The following OPCML variants were observed in gnomAD, a reference collection of about 807,000 sequenced individuals.
OPCML encodes opioid binding protein/cell adhesion molecule like.
A neutral mutation model predicts 37.8 loss-of-function variants in OPCML; 13 were observed. The observed-to-expected ratio is 0.34, with a 90% CI of 0.22 to 0.55. The LOEUF is 0.55. Among genes scored for constraint, OPCML ranks in the 20% least tolerant of loss-of-function variants. OPCML has a pLI of 0.91. For missense variants in OPCML, 341 were observed against 435.6 expected, an observed-to-expected ratio of 0.78 and a Z score of 1.93; for synonymous variants, 176 against 168.8, an observed-to-expected ratio of 1.04 and a Z score of -0.33.
chr11:133,419,362 T>C (rs1353767135), intron 1 of OPCML: 1 of 984,882 alleles, frequency 1.0e-6, no homozygotes, highest in Non-Finnish European at 1.2e-6. Flanking sequence ...TGTGCTGGAG[T>C]CAGCTTCTAC....
At chr11:133,455,340 G>A (rs1424706370) in intron 1 of OPCML, among the ~76,000 whole-genome samples, 2 of 152,094 alleles carry the variant, frequency 1.3e-5, no homozygotes, top group Admixed American at 6.6e-5. Context: ...GTTTTTATAA[G>A]CTCCATTTTT....
chr11:132,445,809 C>T (rs1236874651), intron 4 of OPCML, among the ~76,000 whole-genome samples: 1 of 152,198 alleles, frequency 6.6e-6, no homozygotes, highest in Non-Finnish European at 1.5e-5. Flanking sequence ...GCTTCCTCTG[C>T]TGAGAAGTCA....
At chr11:133,035,775 C>G (rs1285977029) in intron 1 of OPCML, among the ~76,000 whole-genome samples, 2 of 152,024 alleles carry the variant, frequency 1.3e-5, no homozygotes, top group Non-Finnish European at 2.9e-5. Context: ...TACTGTTGTC[C>G]TTATAAGAAG....
chr11:133,246,633 G>A (rs988468043), intron 1 of OPCML, among the ~76,000 whole-genome samples: 7 of 152,140 alleles, frequency 4.6e-5, no homozygotes, highest in African/African-American at 1.7e-4. Context: ...GACATCCGGG[G>A]CAAACTCAAG....
chr11:132,561,810 C>G (rs2096411310), intron 3 of OPCML, among the ~76,000 whole-genome samples: 1 of 152,198 alleles, frequency 6.6e-6, no homozygotes, highest in Admixed American at 6.5e-5. Context: ...CTGTGAGCAA[C>G]CAAATACATG....
At chr11:133,134,667 TTGCTCCAAGGGAACTCTTGCGTGAACCC>T (rs1426294976) in intron 1 of OPCML, among the ~76,000 whole-genome samples, 6 of 152,166 alleles carry the variant, frequency 3.9e-5, no homozygotes, top group South Asian at 4.1e-4. Flanking sequence ...GCTGTCTTCC[TTGCTCCAAGGGAACTCTTGCGTGAACCC>T]TGCAAAGGAG....
At chr11:132,937,964 G>A (rs1448336544) in intron 2 of OPCML, among the ~76,000 whole-genome samples, 1 of 151,740 alleles carries the variant, frequency 6.6e-6, no homozygotes, top group African/African-American at 2.4e-5. Context: ...CATCATTGGT[G>A]GATTCAACTG....
At chr11:132,609,249 C>G (rs569777673) in intron 3 of OPCML, among the ~76,000 whole-genome samples, 2 of 152,272 alleles carry the variant, frequency 1.3e-5, no homozygotes, top group African/African-American at 4.8e-5. Flanking sequence ...AATGACATAA[C>G]AAAATAAGTT....
At chr11:133,126,665 T>C (rs1216699533) in intron 1 of OPCML, among the ~76,000 whole-genome samples, 1 of 152,182 alleles carries the variant, frequency 6.6e-6, no homozygotes. Context: ...CAATCCCATA[T>C]AAGCAGCCAC....
rs115609439 is a variant in OPCML, at chr11:132,767,496, T to G, written c.147-110177A>C. Among the ~76,000 whole-genome samples, 603 of 152,320 alleles carry G rather than the reference T, an allele frequency of 4.0e-3. 7 individuals are homozygous for G. Among genetic ancestry groups the G allele is most frequent in the African/African-American group, 0.014 (580 of 41,584 alleles). On this transcript the variant is annotated intron_variant, in intron 2 of 7. Coordinates refer to ENST00000524381, the MANE Select transcript of OPCML (RefSeq NM_001012393.5). Reference sequence around the variant, plus strand: ...CTTCTGAACTTCCATTTAGCCGACATACTGCATTACCCAGACTTCTCCACT... The same window carrying G: ...CTTCTGAACTTCCATTTAGCCGACAGACTGCATTACCCAGACTTCTCCACT...
At chr11:132,706,812 GTTTA>G (rs1461805919) in intron 2 of OPCML, among the ~76,000 whole-genome samples, 3 of 152,148 alleles carry the variant, frequency 2.0e-5, no homozygotes, top group African/African-American at 4.8e-5. Flanking sequence ...CTAATTAGGG[GTTTA>G]TTTGTTTGAG....
intron 2 of OPCML, among the ~76,000 whole-genome samples, chr11:132,839,719 T>A (rs568656482): frequency 1.1e-4 from 17 of 152,218 alleles, no homozygotes; most frequent in Non-Finnish European, 1.9e-4. Flanking sequence ...ACGGATCAGA[T>A]GCTGCAACAT....
chr11:133,335,665 CT>C (rs1271052841), intron 1 of OPCML, among the ~76,000 whole-genome samples: 1 of 152,216 alleles, frequency 6.6e-6, no homozygotes, highest in African/African-American at 2.4e-5. Context: ...TCCTCCAAGT[CT>C]TTGACATCAT....
intron 3 of OPCML, among the ~76,000 whole-genome samples, chr11:132,610,585 T>G (rs898458919): frequency 9.9e-5 from 15 of 152,160 alleles, no homozygotes; most frequent in African/African-American, 3.6e-4. Context: ...TCGTTGCCGC[T>G]GAAGACTGGC....
chr11:133,026,352 G>A (rs545240629), intron 1 of OPCML: 19 of 972,598 alleles, frequency 2.0e-5, no homozygotes, highest in East Asian at 2.3e-4. Flanking sequence ...TTATCCACGC[G>A]TAATACCCTG....
chr11:133,080,163 C>T (rs1948688385), intron 1 of OPCML, among the ~76,000 whole-genome samples: 1 of 152,156 alleles, frequency 6.6e-6, no homozygotes, highest in Non-Finnish European at 1.5e-5. Context: ...GCAACCCAGC[C>T]AGATGCAGAT....
At chr11:133,139,727 G>A (rs1174751467) in intron 1 of OPCML, among the ~76,000 whole-genome samples, 2 of 152,062 alleles carry the variant, frequency 1.3e-5, no homozygotes, top group Non-Finnish European at 2.9e-5. Context: ...ATATGAATGC[G>A]GGGCTTGAGT....
chr11:133,467,425 G>A (rs1422123502), intron 1 of OPCML, among the ~76,000 whole-genome samples: 1 of 152,124 alleles, frequency 6.6e-6, no homozygotes, highest in Non-Finnish European at 1.5e-5. Flanking sequence ...CCTCAAGCAA[G>A]TCAAATGAAA....
At chr11:133,025,717 G>A (rs1327114172) in intron 1 of OPCML, among the ~76,000 whole-genome samples, 3 of 147,276 alleles carry the variant, frequency 2.0e-5, no homozygotes, top group Non-Finnish European at 3.0e-5. Flanking sequence ...CAAGGTGCCT[G>A]CCGATTTGAT....
Sources: gnomAD v4.1 joint callset for allele counts (sites outside exome capture counted in the v4.1 genomes callset) on GRCh38, gnomAD v4.1.1 for gene constraint, MANE v1.5 for transcripts, NCBI Gene and HGNC (gene_info 2026-07-23, HGNC 2026-07-21) for gene names.